The following TNS2 variants were observed in gnomAD, a reference collection of about 807,000 sequenced individuals.
The protein encoded by TNS2 is tensin-2.
Under a neutral mutation model 155.7 loss-of-function variants are expected in TNS2, and 77 were observed. That is an observed-to-expected ratio of 0.49 (90% CI 0.41 to 0.60). The LOEUF (loss-of-function observed/expected upper bound fraction) is 0.60. Ranked by LOEUF, TNS2 falls within the 20% of genes least tolerant of loss-of-function variation. TNS2 has a pLI of 0.00. For synonymous variants in TNS2, 726 were observed against 763.9 expected (o/e 0.95, Z 0.82); for missense variants, 1,703 against 1,868.8 (o/e 0.91, Z 1.64).
rs1253945803 is a variant in TNS2, at chr12:53,056,774, T to TAA, written c.762-238_762-237dup. ...TTTTGGGGGGATATAATTCAACCCA[T>TAA]AAGATGGTTTTGTTGCCCTGTTTTA... On this transcript the variant is annotated intron_variant, in intron 10 of 28. Transcript: ENST00000314250. Among the ~76,000 whole-genome samples the TAA allele has an allele frequency of 2.0e-5, 3 of 152,328 alleles. No homozygotes were observed. In the East Asian group the frequency reaches 5.8e-4, roughly 29 times the overall value.
At chr12:53,048,301 G>C (rs546752715), upstream of TNS2, among the ~76,000 whole-genome samples, 4 of 152,348 alleles carry the variant, frequency 2.6e-5, no homozygotes, top group South Asian at 8.3e-4. Flanking sequence ...TGTGAGACCA[G>C]TGAAGGTGAG....
At chr12:53,047,478 A>AGGGCGCGGGGCGAG (rs1943765946), upstream of TNS2, among the ~76,000 whole-genome samples, 1 of 144,404 alleles carries the variant, frequency 6.9e-6, no homozygotes, top group Non-Finnish European at 1.5e-5. Context: ...GGAGGTCGAG[A>AGGGCGCGGGGCGAG]GGGCGCGGGG....
chr12:53,062,556 G>C (rs1487751703), intron 24 of TNS2, 64 bp from the exon 25 acceptor site: 7 of 1,608,746 alleles, frequency 4.4e-6, no homozygotes, highest in Non-Finnish European at 6.0e-6. Flanking sequence ...GAAGCAGAGG[G>C]AGTGCTCCAG....
chr12:53,049,475 A>G (rs565181074), upstream of TNS2, among the ~76,000 whole-genome samples: 1 of 152,188 alleles, frequency 6.6e-6, no homozygotes, highest in Non-Finnish European at 1.5e-5. Flanking sequence ...TTACTCCCCA[A>G]ACCTGAGCAA....
In TNS2 at chr12:53,060,231, G is replaced by GCCT; in HGVS notation, c.2592_2594dup (p.Ser865dup). The GCCT allele has an allele frequency of 5.8e-6, 9 of 1,550,644 alleles. No homozygotes were observed. Among genetic ancestry groups the GCCT allele is most frequent in the Non-Finnish European group, 7.8e-6 (9 of 1,147,464 alleles). On this transcript the variant is annotated inframe_insertion, in exon 18 of 29. Transcript: ENST00000314250. The surrounding 1 kb of genome is among the most constrained non-coding windows in gnomAD (Gnocchi z 6.1). ...CAGGTACCCATTGCCTGGGCACCTG[G>GCCT]CCTCAGCAGGACCTTTGGCATCTGC...
chr12:53,048,598 C>T (rs1299042994), upstream of TNS2, among the ~76,000 whole-genome samples: 2 of 152,138 alleles, frequency 1.3e-5, no homozygotes, highest in African/African-American at 2.4e-5. Flanking sequence ...GGTCACAGAG[C>T]CCGTGCTCCT....
chr12:53,054,515 C>T (rs960984372), intron 7 of TNS2, 74 bp downstream of exon 7: 32 of 1,410,292 alleles, frequency 2.3e-5, no homozygotes, highest in Non-Finnish European at 2.8e-5. Flanking sequence ...TAATCACTGA[C>T]GTCACCAGCG....
In TNS2 at chr12:53,057,637, T is replaced by A. The variant is rs764273108; in HGVS notation, c.916T>A (p.Tyr306Asn). Residue 306 changes from tyrosine (Y) to asparagine (N), a missense_variant, in exon 12 of 29, where the codon TAT becomes AAT. Coordinates refer to ENST00000314250, the MANE Select transcript of TNS2 (RefSeq NM_170754.4). Reference sequence around the variant, plus strand: ...GAACAGCAGCCCTCTCTTCCTGCACTATGTGCTCATCCCCATGCTGCCAGC... The same window carrying A: ...GAACAGCAGCCCTCTCTTCCTGCACAATGTGCTCATCCCCATGCTGCCAGC... The part of the protein sequence containing the change: ...RMNSSPLFLH[Y>N]VLIPMLPAFE... The A allele has an allele frequency of 1.9e-6, 3 of 1,613,992 alleles. No individual in the cohort carries two copies. Among genetic ancestry groups the A allele is most frequent in the Admixed American group, 1.7e-5 (1 of 60,002 alleles).
chr12:53,054,211 A>G, intron 6 of TNS2, 59 bp from the exon 7 acceptor site: 2 of 1,606,778 alleles, frequency 1.2e-6, no homozygotes, highest in Non-Finnish European at 1.7e-6. Flanking sequence ...CCTTCCCGTC[A>G]CACTAGCCAC....
In TNS2 at chr12:53,063,635, A is replaced by G; in HGVS notation, c.4091+43A>G. The G allele has an allele frequency of 3.7e-6, 6 of 1,614,212 alleles. No homozygotes were observed. The stretch of plus-strand genomic sequence containing the variant: ...TTCAGCCTCTTCCTTCCAAGGGACC[A>G]GGGCGCTGCTGTCCTCTCAATGCTG... On this transcript the variant is annotated intron_variant, in intron 28 of 28. Coordinates refer to ENST00000314250, the MANE Select transcript of TNS2 (RefSeq NM_170754.4). This position sits in a 1 kb window ranked among gnomAD's most constrained non-coding sequence, Gnocchi z 5.6.
chr12:53,053,475 G>A, intron 4 of TNS2, 26 bp downstream of exon 4: 8 of 1,613,738 alleles, frequency 5.0e-6, no homozygotes, highest in Non-Finnish European at 6.8e-6. Flanking sequence ...GATGGGGTGG[G>A]GAGGGCAAGG....
intron 22 of TNS2, 23 bp from the exon 23 acceptor site, chr12:53,062,130 A>G (rs1195893197): frequency 3.1e-6 from 5 of 1,613,498 alleles, no homozygotes; most frequent in East Asian, 4.5e-5. Flanking sequence ...TAAAGCCGCA[A>G]TCTTCCCCTC....
chr12:53,063,429 T>G lies in TNS2; in HGVS notation c.4061+12T>G. On this transcript the variant is annotated intron_variant, in intron 27 of 28. Transcript: ENST00000314250. This position sits in a 1 kb window ranked among gnomAD's most constrained non-coding sequence, Gnocchi z 5.6. Reference sequence around the variant, plus strand: ...CCTCAAGACCGGAGGTGACTCTCCCTCCAAACCCTTTGCCCCAAATCCCCA... The same window carrying G: ...CCTCAAGACCGGAGGTGACTCTCCCGCCAAACCCTTTGCCCCAAATCCCCA... The G allele has an allele frequency of 6.2e-7, 1 of 1,613,634 alleles. No homozygotes were observed. The highest frequency in any genetic ancestry group is 8.5e-7 in the Non-Finnish European group (1 of 1,179,950).
chr12:53,050,093 C>T lies in TNS2; in HGVS notation c.-93C>T. 5 of 1,548,822 alleles carry T rather than the reference C, an allele frequency of 3.2e-6. No individual in the cohort carries two copies. Among genetic ancestry groups the T allele is most frequent in the South Asian group, 1.2e-5 (1 of 83,780 alleles). ...CAGCCTACCCTCCGCCCAGGGGAAGCGGCTGCCTCCGCCAGGCCGCTTCCA... is the reference window on the plus strand; with the variant it reads ...CAGCCTACCCTCCGCCCAGGGGAAGTGGCTGCCTCCGCCAGGCCGCTTCCA... On this transcript the variant is annotated 5_prime_UTR_variant, in exon 1 of 29. Transcript: ENST00000314250. This position sits in a 1 kb window ranked among gnomAD's most constrained non-coding sequence, Gnocchi z 4.7.
upstream of TNS2, chr12:53,049,177 G>T: frequency 3.8e-6 from 6 of 1,587,660 alleles, no homozygotes; most frequent in African/African-American, 1.4e-5. Flanking sequence ...TGGGAGGGGG[G>T]ACCTCCTGTC....
chr12:53,052,594 C>A, intron 3 of TNS2, 102 bp downstream of exon 3: 1 of 1,482,002 alleles, frequency 6.7e-7, no homozygotes, highest in South Asian at 1.1e-5. Flanking sequence ...TCCACCTCCA[C>A]CCCTCTCACC....
intron 11 of TNS2, 96 bp from the exon 12 acceptor site, chr12:53,057,471 C>T: frequency 1.1e-6 from 1 of 933,692 alleles, no homozygotes; most frequent in Non-Finnish European, 1.7e-6. Flanking sequence ...AAGTGTTGAG[C>T]AGAAGAGCGA....
chr12:53,057,524 C>T, intron 11 of TNS2, 43 bp from the exon 12 acceptor site: 1 of 1,451,142 alleles, frequency 6.9e-7, no homozygotes, highest in East Asian at 2.3e-5. Flanking sequence ...AGGTGACCTC[C>T]AGAGGAAAAG....
At chr12:53,056,799 A>G in intron 10 of TNS2, 1 of 492,612 alleles carries the variant, frequency 2.0e-6, no homozygotes, top group Non-Finnish European at 3.7e-6. Flanking sequence ...GCCCTGTTTT[A>G]CAGATGAAAA....
Sources: gnomAD v4.1 joint callset for allele counts (sites outside exome capture counted in the v4.1 genomes callset) on GRCh38, gnomAD v4.1.1 for gene constraint, Gnocchi (gnomAD v3.1) non-coding constraint, MANE v1.5 for transcripts, NCBI Gene and HGNC (gene_info 2026-07-23, HGNC 2026-07-21) for gene names.